The following SEC31A variants were observed in gnomAD, a reference collection of about 807,000 sequenced individuals.
The protein encoded by SEC31A is SEC31 homolog A, COPII component.
In SEC31A, 70 loss-of-function variants were observed where a neutral mutation model predicts 151.0. The ratio of observed to expected loss-of-function variants is 0.46; its 90% confidence interval spans 0.38 to 0.57. The LOEUF (loss-of-function observed/expected upper bound fraction) is 0.57. SEC31A is among the 20% of genes least tolerant of loss of function. The pLI is 0.00. For missense variants in SEC31A, 1,330 were observed against 1,471.2 expected, an observed-to-expected ratio of 0.90 and a Z score of 1.57; for synonymous variants, 475 against 505.9, an observed-to-expected ratio of 0.94 and a Z score of 0.82.
chr4:82,829,189 G>T (rs76405212), intron 22 of SEC31A, 131 bp from the exon 23 acceptor site: 6 of 677,944 alleles, frequency 8.9e-6, no homozygotes, highest in Non-Finnish European at 1.6e-5. Flanking sequence ...TTTACCAGCC[G>T]AGTGTGGGGA....
chr4:82,849,352 C>A (rs892919241), intron 19 of SEC31A, among the ~76,000 whole-genome samples: 1 of 152,142 alleles, frequency 6.6e-6, no homozygotes. Flanking sequence ...CAGAGGTTCA[C>A]GCCTGCAATC....
At chr4:82,882,909 G>A (rs1306572881) in intron 1 of SEC31A, among the ~76,000 whole-genome samples, 1 of 152,214 alleles carries the variant, frequency 6.6e-6, no homozygotes, top group African/African-American at 2.4e-5. Flanking sequence ...CTTGAGGCCA[G>A]GAGTTCGAGA....
chr4:82,842,703 C>T (rs1260945760), intron 21 of SEC31A: 5 of 499,198 alleles, frequency 1.0e-5, no homozygotes, highest in East Asian at 6.7e-5. Flanking sequence ...CCCAAACTGC[C>T]TCTGGTTATG....
intron 24 of SEC31A, 141 bp downstream of exon 24, chr4:82,827,228 T>C: frequency 1.1e-6 from 1 of 909,394 alleles, no homozygotes; most frequent in East Asian, 2.4e-5. Flanking sequence ...ACATGATCGA[T>C]CTTAAAAAAA....
At chr4:82,846,231 C>T (rs1212224334) in intron 20 of SEC31A, among the ~76,000 whole-genome samples, 1 of 151,304 alleles carries the variant, frequency 6.6e-6, no homozygotes, top group Non-Finnish European at 1.5e-5. Flanking sequence ...TCTCGATCTC[C>T]TGACCTCGTG....
At chr4:82,873,332 G>C (rs2125710072) in intron 6 of SEC31A, among the ~76,000 whole-genome samples, 1 of 151,406 alleles carries the variant, frequency 6.6e-6, no homozygotes, top group East Asian at 2.0e-4. Context: ...CTCCAGACTG[G>C]GTGACAGAGT....
intron 22 of SEC31A, among the ~76,000 whole-genome samples, chr4:82,837,158 CATATATATATAT>C (rs138120291): frequency 0.031 from 1,330 of 42,672 alleles, 37 homozygotes; most frequent in Non-Finnish European, 0.036. Flanking sequence ...TAAATTTTAT[CATATATATATAT>C]ATATATATAT....
intron 1 of SEC31A, among the ~76,000 whole-genome samples, chr4:82,888,395 T>C (rs1459152845): frequency 2.3e-5 from 1 of 43,916 alleles, no homozygotes; most frequent in Non-Finnish European, 9.0e-5. Flanking sequence ...CATATATATA[T>C]ATACACACAG....
At chr4:82,837,981 C>T (rs1727840954) in intron 22 of SEC31A, among the ~76,000 whole-genome samples, 1 of 152,182 alleles carries the variant, frequency 6.6e-6, no homozygotes, top group African/African-American at 2.4e-5. Flanking sequence ...GTCAACCATA[C>T]ATCTTTCCTT....
chr4:82,857,523 C>A lies in SEC31A; in HGVS notation c.1702+166G>T, dbSNP rs530758947. 2.6e-5 allele frequency among the ~76,000 whole-genome samples: 4 copies of A among 152,200 alleles called. No individual in the cohort carries two copies. The South Asian group carries it at 8.3e-4, about 32-fold the overall frequency. On this transcript the variant is annotated intron_variant, in intron 15 of 26. Coordinates refer to ENST00000395310, the MANE Select transcript of SEC31A (RefSeq NM_001077207.4). ...GTTTCACTATGTTGTCCAGGATAGC[C>A]TCAAACTCCTGGGCCCAAGTGATCC...
In SEC31A at chr4:82,851,480, T is replaced by C; in HGVS notation, c.2279A>G (p.Gln760Arg). 6.2e-7 allele frequency: 1 copy of C among 1,614,148 alleles called. No homozygotes were observed. Among genetic ancestry groups the C allele is most frequent in the South Asian group, 1.1e-5 (1 of 91,082 alleles). The change falls in exon 19 of 27, where the codon CAG becomes CGG. Residue 760 changes from glutamine to arginine, a missense_variant. Gln to Arg is a conservative substitution (Grantham distance 43, BLOSUM62 1). Transcript: ENST00000395310. ...MSQYANLLAA[Q>R]GSIAAALAFL... is the part of the protein sequence containing the mutation. ...AGCCAAGGCTGCAGCAATACTGCCC[T>C]GAGCTGCCAACAAATTGGCATACTG... is the stretch of plus-strand genomic sequence containing the variant.
intron 1 of SEC31A, among the ~76,000 whole-genome samples, chr4:82,884,846 T>A (rs1030494069): frequency 2.6e-5 from 4 of 152,196 alleles, no homozygotes; most frequent in Non-Finnish European, 5.9e-5. Context: ...TTGATTTGTT[T>A]AGATCTCCTA....
chr4:82,880,752 C>T, intron 3 of SEC31A, 47 bp downstream of exon 3: 1 of 1,507,782 alleles, frequency 6.6e-7, no homozygotes, highest in Non-Finnish European at 9.0e-7. Flanking sequence ...GAATCAAGAA[C>T]AATATATAAT....
upstream of SEC31A, chr4:82,893,694 T>C (rs1176263888): frequency 6.6e-6 from 1 of 152,196 alleles, no homozygotes; most frequent in Non-Finnish European, 1.5e-5. Flanking sequence ...TTCCCCTTTA[T>C]AAATGGTACA....
intron 20 of SEC31A, among the ~76,000 whole-genome samples, chr4:82,847,417 T>C (rs1157020849): frequency 5.9e-5 from 9 of 152,242 alleles, no homozygotes; most frequent in Non-Finnish European, 2.9e-5. Context: ...GTAAGATTGG[T>C]AAATCAAAGT....
intron 5 of SEC31A, 110 bp from the exon 6 acceptor site, chr4:82,874,861 C>G: frequency 7.8e-7 from 1 of 1,285,640 alleles, no homozygotes; most frequent in Non-Finnish European, 1.1e-6. Context: ...AAAATCTGAT[C>G]CATTTATGCC....
At chr4:82,882,504 A>G (rs919535395) in intron 1 of SEC31A, among the ~76,000 whole-genome samples, 1 of 152,066 alleles carries the variant, frequency 6.6e-6, no homozygotes, top group African/African-American at 2.4e-5. Context: ...CTTCAGTTGA[A>G]TCAGTCTAGA....
chr4:82,855,441 G>C (rs763981169), intron 16 of SEC31A, among the ~76,000 whole-genome samples: 22 of 152,196 alleles, frequency 1.4e-4, no homozygotes, highest in Non-Finnish European at 2.6e-4. Context: ...AAAGGAACAT[G>C]CAATGAGTGA....
chr4:82,839,055 G>T (rs992420306), intron 22 of SEC31A, among the ~76,000 whole-genome samples: 6 of 151,634 alleles, frequency 4.0e-5, no homozygotes, highest in African/African-American at 1.5e-4. Flanking sequence ...TCAGCTCACT[G>T]CAACCTCTGC....
Sources: allele counts gnomAD v4.1 joint callset (sites outside exome capture counted in the v4.1 genomes callset), GRCh38; gene constraint gnomAD v4.1.1; transcripts MANE v1.5; gene names NCBI Gene and HGNC (gene_info 2026-07-23, HGNC 2026-07-21).